Variants in SCN1A observed in about 807,000 individuals in gnomAD.
SCN1A encodes the protein sodium voltage-gated channel alpha subunit 1.
SCN1A carries 13 observed loss-of-function variants against 193.7 expected under a neutral mutation model. The observed-to-expected ratio is 0.07, with a 90% confidence interval of 0.04 to 0.11. SCN1A has a LOEUF of 0.11. Among genes scored for constraint, SCN1A ranks in the 10% least tolerant of loss-of-function variants. The pLI is 1.00. For missense variants in SCN1A, 1,432 were observed against 2,451.1 expected (o/e 0.58, Z 8.78); for synonymous variants, 781 against 843.6 (o/e 0.93, Z 1.29).
chr2:165,994,848 T>C (rs984396448), intron 27 of SCN1A, among the ~76,000 whole-genome samples: 3 of 151,912 alleles, frequency 2.0e-5, no homozygotes, highest in Non-Finnish European at 2.9e-5. Flanking sequence ...ATTTCACTTG[T>C]TGTATTCTCA....
intron 19 of SCN1A, among the ~76,000 whole-genome samples, chr2:166,034,427 A>G (rs1186377454): frequency 1.3e-5 from 2 of 152,202 alleles, no homozygotes; most frequent in East Asian, 3.9e-4. Context: ...TCAAAATGCA[A>G]TGGACATGAT....
chr2:166,133,529 T>C (rs1051564709), intron 1 of SCN1A, among the ~76,000 whole-genome samples: 1 of 152,184 alleles, frequency 6.6e-6, no homozygotes, highest in African/African-American at 2.4e-5. Context: ...AATTACTTTT[T>C]ATCACTTGAT....
rs796053043 is a variant in SCN1A at position 165,991,655 on chromosome 2, G to A, written c.5620C>T (p.Arg1874Trp). ...ATCTCTCCACTCTCTCCTAGAACCCGCTTTGTAAAAGCAAATAAGATATCA... is the reference window on the plus strand; with the variant it reads ...ATCTCTCCACTCTCTCCTAGAACCCACTTTGTAAAAGCAAATAAGATATCA... ...CLDILFAFTK[R>W]VLGESGEMDA... Residue 1874 changes from arginine (R) to tryptophan (W), a missense_variant, in exon 29 of 29, where the codon CGG becomes TGG. This residue lies in a region of SCN1A where 59 missense variants were observed against 110.6 expected (regional missense o/e 0.53). Coordinates refer to ENST00000674923, the MANE Select transcript of SCN1A (RefSeq NM_001165963.4). 3 of 1,613,734 alleles carry A rather than the reference G, an allele frequency of 1.9e-6. No homozygotes were observed. Among genetic ancestry groups the A allele is most frequent in the Admixed American group, 1.7e-5 (1 of 59,924 alleles).
chr2:166,115,058 C>G (rs1689699945), intron 2 of SCN1A, among the ~76,000 whole-genome samples: 2 of 151,952 alleles, frequency 1.3e-5, no homozygotes, highest in Admixed American at 6.6e-5. Context: ...TAGACTCAAG[C>G]AAAGACCAAA....
intron 1 of SCN1A, among the ~76,000 whole-genome samples, chr2:166,144,809 GGGCCTATCTTTTAGA>G (rs1241265233): frequency 6.6e-6 from 1 of 151,826 alleles, no homozygotes; most frequent in Non-Finnish European, 1.5e-5. Flanking sequence ...AGAGATAATG[GGGCCTATCTTTTAGA>G]GTTGCTATGG....
chr2:166,038,955 G>A, intron 17 of SCN1A, among the ~76,000 whole-genome samples: 1 of 152,144 alleles, frequency 6.6e-6, no homozygotes, highest in East Asian at 1.9e-4. Context: ...TAATGGGCAT[G>A]CTTAGTAATC....
chr2:166,123,022 A>G (rs1690777555), intron 2 of SCN1A, among the ~76,000 whole-genome samples: 1 of 152,100 alleles, frequency 6.6e-6, no homozygotes, highest in Non-Finnish European at 1.5e-5. Context: ...GCAAATTCAC[A>G]TTTTCTAGAG....
intron 19 of SCN1A, among the ~76,000 whole-genome samples, chr2:166,025,869 G>A (rs1694692705): frequency 6.6e-6 from 1 of 151,690 alleles, no homozygotes; most frequent in South Asian, 2.1e-4. Context: ...ATGACTACTT[G>A]GTCTTCTTCC....
rs756994144 is a variant in SCN1A at position 166,051,832 on chromosome 2, T to C, written c.851A>G (p.Asn284Ser). Residue 284 changes from asparagine to serine, a missense_variant, in exon 9 of 29, where the codon AAT (asparagine) becomes AGT (serine). Coordinates refer to ENST00000674923, the MANE Select transcript of SCN1A (RefSeq NM_001165963.4). ...TATACTATGTTCCTCCAAGGAAGCATTGGTGGGAGGCCATTGTATACATTT... is the reference window on the plus strand; with the variant it reads ...TATACTATGTTCCTCCAAGGAAGCACTGGTGGGAGGCCATTGTATACATTT... ...RNKCIQWPPT[N>S]ASLEEHSIEK... The C allele has an allele frequency of 1.9e-6, 3 of 1,612,680 alleles. No homozygotes were observed. The highest frequency in any genetic ancestry group is 4.5e-5 in the East Asian group (2 of 44,836).
intron 4 of SCN1A, among the ~76,000 whole-genome samples, chr2:166,067,962 G>A (rs1461197): frequency 0.47 from 72,100 of 151,956 alleles, 18,723 homozygotes; most frequent in East Asian, 0.73. Flanking sequence ...GCTTTTGAAG[G>A]AAACCTGGGC....
intron 19 of SCN1A, among the ~76,000 whole-genome samples, chr2:166,028,192 G>A (rs1695058256): frequency 1.3e-5 from 2 of 151,650 alleles, no homozygotes; most frequent in African/African-American, 4.8e-5. Flanking sequence ...AAATATAAGG[G>A]AACAAAAGCA....
intron 2 of SCN1A, among the ~76,000 whole-genome samples, chr2:166,125,855 C>A (rs996282093): frequency 1.3e-5 from 2 of 152,142 alleles, no homozygotes; most frequent in Non-Finnish European, 2.9e-5. Flanking sequence ...ATAAATGACT[C>A]TCCAGACAGC....
chr2:166,073,665 A>G lies in SCN1A; in HGVS notation c.-44T>C. On this transcript the variant is annotated 5_prime_UTR_variant, in exon 4 of 29. Transcript: ENST00000674923. Reference sequence around the variant, plus strand: ...TTAATTACCATTTATTCTGCATATGAAATTCCTAAAATAAAAGGAATACAG... The same window carrying G: ...TTAATTACCATTTATTCTGCATATGGAATTCCTAAAATAAAAGGAATACAG... The G allele has an allele frequency of 6.2e-7, 1 of 1,600,286 alleles. No individual in the cohort carries two copies. Among genetic ancestry groups the G allele is most frequent in the Middle Eastern group, 1.7e-4 (1 of 6,028 alleles).
chr2:166,075,654 CT>C (rs1684916333), intron 3 of SCN1A, among the ~76,000 whole-genome samples: 1 of 151,850 alleles, frequency 6.6e-6, no homozygotes, highest in African/African-American at 2.4e-5. Flanking sequence ...TACACACATA[CT>C]TTCAAATATA....
intron 3 of SCN1A, among the ~76,000 whole-genome samples, chr2:166,075,107 T>A (rs1245988596): frequency 1.3e-5 from 2 of 152,096 alleles, no homozygotes; most frequent in Non-Finnish European, 2.9e-5. Context: ...TTTTTGCAAA[T>A]AAAAGTTTAG....
At chr2:166,058,780 G>A (rs1699380172) in intron 4 of SCN1A, 92 bp from the exon 5 acceptor site, 2 of 796,642 alleles carry the variant, frequency 2.5e-6, no homozygotes, top group Non-Finnish European at 4.4e-6. Flanking sequence ...ATAAATTATT[G>A]TAAAGTTAAA....
At chr2:166,025,631 A>T (rs1694660053) in intron 19 of SCN1A, among the ~76,000 whole-genome samples, 1 of 152,162 alleles carries the variant, frequency 6.6e-6, no homozygotes, top group African/African-American at 2.4e-5. Context: ...TGTCATTGAG[A>T]TCATCTTAGA....
intron 4 of SCN1A, among the ~76,000 whole-genome samples, chr2:166,062,677 A>G (rs1207082835): frequency 6.6e-6 from 1 of 152,142 alleles, no homozygotes; most frequent in Admixed American, 6.5e-5. Flanking sequence ...CCAAGAGGGA[A>G]GAGTTCAAAG....
downstream of SCN1A, chr2:165,985,087 GTTA>G (rs1363258380): frequency 2.0e-5 from 3 of 152,154 alleles, no homozygotes; most frequent in South Asian, 4.1e-4. Context: ...GTTGAGCAAA[GTTA>G]TTTTTTAAGA....
Sources: gnomAD v4.1 joint callset for allele counts (sites outside exome capture counted in the v4.1 genomes callset) on GRCh38, gnomAD v4.1.1 for gene constraint, gnomAD v4.1.1 regional missense constraint, MANE v1.5 for transcripts, NCBI Gene and HGNC (gene_info 2026-07-23, HGNC 2026-07-21) for gene names.